Variants in LRRTM4 observed in about 807,000 individuals in gnomAD.
The protein encoded by LRRTM4 is leucine rich repeat transmembrane neuronal 4, also known as leucine-rich repeat transmembrane neuronal protein 4.
Under a neutral mutation model 47.6 loss-of-function variants are expected in LRRTM4, and 25 were observed. That is an observed-to-expected ratio of 0.53 (90% CI 0.38 to 0.73). The LOEUF (loss-of-function observed/expected upper bound fraction) is 0.73. Among genes scored for constraint, LRRTM4 ranks in the 30% least tolerant of loss-of-function variants. The pLI is 0.00. For synonymous variants in LRRTM4, 311 were observed against 269.5 expected (o/e 1.15, Z -1.51); for missense variants, 638 against 713.4 (o/e 0.89, Z 1.20).
intron 3 of LRRTM4, among the ~76,000 whole-genome samples, chr2:77,392,421 A>G (rs1166230013): frequency 6.6e-6 from 1 of 152,080 alleles, no homozygotes; most frequent in African/African-American, 2.4e-5. Flanking sequence ...GGCAAAATAA[A>G]TTCTAAATTC....
chr2:76,869,683 A>G (rs779886001), intron 3 of LRRTM4, among the ~76,000 whole-genome samples: 113 of 152,150 alleles, frequency 7.4e-4, no homozygotes, highest in Admixed American at 9.2e-4. Context: ...AAATCAAAAT[A>G]CAATATAACT....
intron 3 of LRRTM4, among the ~76,000 whole-genome samples, chr2:77,213,464 G>C (rs1674351715): frequency 6.6e-6 from 1 of 151,978 alleles, no homozygotes; most frequent in Non-Finnish European, 1.5e-5. Context: ...CATTGATTAA[G>C]TATACATAAA....
chr2:77,490,820 G>T (rs2104045053), intron 3 of LRRTM4, among the ~76,000 whole-genome samples: 1 of 152,038 alleles, frequency 6.6e-6, no homozygotes, highest in Admixed American at 6.5e-5. Flanking sequence ...CACCCTATTG[G>T]AACCAATTTT....
At chr2:77,057,437 A>C (rs1679645941) in intron 3 of LRRTM4, among the ~76,000 whole-genome samples, 1 of 151,972 alleles carries the variant, frequency 6.6e-6, no homozygotes, top group South Asian at 2.1e-4. Flanking sequence ...ATCATTGGCC[A>C]CAAGAAGACC....
At chr2:76,803,587 G>A (rs1024882207) in intron 3 of LRRTM4, among the ~76,000 whole-genome samples, 8 of 152,274 alleles carry the variant, frequency 5.3e-5, no homozygotes, top group South Asian at 4.1e-4. Context: ...CGGCAATACC[G>A]CTACTGGGTA....
intron 3 of LRRTM4, among the ~76,000 whole-genome samples, chr2:76,879,334 T>C (rs1024470934): frequency 7.9e-5 from 12 of 152,174 alleles, no homozygotes; most frequent in Non-Finnish European, 1.8e-4. Context: ...CTGATGACTT[T>C]AAGTTGCAGC....
chr2:77,315,381 A>C (rs1224234532), intron 3 of LRRTM4, among the ~76,000 whole-genome samples: 2 of 152,196 alleles, frequency 1.3e-5, no homozygotes, highest in African/African-American at 4.8e-5. Flanking sequence ...ACATACATTT[A>C]TATATAACTC....
At chr2:77,300,054 G>T (rs958932996) in intron 3 of LRRTM4, among the ~76,000 whole-genome samples, 1 of 151,938 alleles carries the variant, frequency 6.6e-6, no homozygotes, top group East Asian at 1.9e-4. Context: ...GTTTCACCAT[G>T]TTGGCCAGGA....
At chr2:76,964,661 C>A (rs934965572) in intron 3 of LRRTM4, among the ~76,000 whole-genome samples, 30 of 133,554 alleles carry the variant, frequency 2.2e-4, no homozygotes, top group African/African-American at 1.0e-3. Flanking sequence ...ATAATCTAAT[C>A]TTCCTTACTT....
chr2:77,018,238 G>GTAA (rs1474272742), intron 3 of LRRTM4, among the ~76,000 whole-genome samples: 8 of 108,894 alleles, frequency 7.3e-5, no homozygotes, highest in Admixed American at 5.6e-4. Context: ...ACTTAACCAT[G>GTAA]TAATGCTAAG....
chr2:77,333,985 G>T (rs1671067571), intron 3 of LRRTM4, among the ~76,000 whole-genome samples: 1 of 152,210 alleles, frequency 6.6e-6, no homozygotes. Flanking sequence ...TGTGAGACAT[G>T]AAGTCAAAGG....
intron 3 of LRRTM4, among the ~76,000 whole-genome samples, chr2:77,118,342 G>C (rs34520809): frequency 2.0e-5 from 3 of 151,652 alleles, no homozygotes; most frequent in Non-Finnish European, 4.4e-5. Flanking sequence ...ACTCAGAAAA[G>C]TATCTACTTT....
intron 3 of LRRTM4, among the ~76,000 whole-genome samples, chr2:77,117,817 G>T (rs1037725214): frequency 2.6e-5 from 4 of 151,688 alleles, no homozygotes; most frequent in Non-Finnish European, 5.9e-5. Context: ...ATGGGTCCTG[G>T]ACCTGCTCTA....
chr2:77,068,555 A>C (rs533306712), intron 3 of LRRTM4, among the ~76,000 whole-genome samples: 20 of 152,304 alleles, frequency 1.3e-4, no homozygotes, highest in African/African-American at 4.8e-4. Context: ...GAATTTATAC[A>C]ATATGTGACA....
At chr2:76,880,306 A>C (rs982712648) in intron 3 of LRRTM4, among the ~76,000 whole-genome samples, 1 of 152,180 alleles carries the variant, frequency 6.6e-6, no homozygotes, top group Admixed American at 6.5e-5. Flanking sequence ...CTCGAACTTC[A>C]GCAACCACCA....
At chr2:77,070,467 A>G (rs1391107265) in intron 3 of LRRTM4, among the ~76,000 whole-genome samples, 1 of 151,566 alleles carries the variant, frequency 6.6e-6, no homozygotes, top group Non-Finnish European at 1.5e-5. Context: ...AAAATGTTCA[A>G]TCTTTCTACC....
intron 3 of LRRTM4, among the ~76,000 whole-genome samples, chr2:77,148,765 G>A (rs1039928169): frequency 2.0e-5 from 3 of 152,138 alleles, no homozygotes; most frequent in Admixed American, 2.0e-4. Flanking sequence ...AGCTGTTGGT[G>A]AACTCCTATC....
intron 3 of LRRTM4, among the ~76,000 whole-genome samples, chr2:77,135,995 A>C (rs1253193397): frequency 2.6e-5 from 4 of 152,150 alleles, no homozygotes; most frequent in African/African-American, 9.7e-5. Flanking sequence ...GGAAAAAAAA[A>C]GGGTATTAAA....
At chr2:77,192,229 A>G (rs1673689326) in intron 3 of LRRTM4, among the ~76,000 whole-genome samples, 1 of 152,078 alleles carries the variant, frequency 6.6e-6, no homozygotes, top group African/African-American at 2.4e-5. Context: ...TCTTTCCTCA[A>G]TTTCAGCAAA....
Sources: allele counts gnomAD v4.1 joint callset (sites outside exome capture counted in the v4.1 genomes callset), GRCh38; gene constraint gnomAD v4.1.1; transcripts MANE v1.5; gene names NCBI Gene and HGNC (gene_info 2026-07-23, HGNC 2026-07-21).